The following HSF5 variants were observed in gnomAD, a reference collection of about 807,000 sequenced individuals.
The protein encoded by HSF5 is heat shock factor protein 5.
A neutral mutation model predicts 50.8 loss-of-function variants in HSF5; 5 were observed. That is an observed-to-expected ratio of 0.10 (90% CI 0.05 to 0.21). The LOEUF (loss-of-function observed/expected upper bound fraction) is 0.21. HSF5 is among the 10% of genes least tolerant of loss of function. The pLI is 1.00. For missense variants in HSF5, 564 were observed against 762.6 expected (o/e 0.74, Z 3.07); for synonymous variants, 307 against 307.4 (o/e 1.00, Z 0.02).
chr17:58,477,794 C>T (rs1180151061), intron 2 of HSF5, among the ~76,000 whole-genome samples: 1 of 151,866 alleles, frequency 6.6e-6, no homozygotes, highest in Admixed American at 6.6e-5. Context: ...ATTTCTTCTA[C>T]TTTAAGTAAA....
chr17:58,487,761 G>A lies in HSF5; in HGVS notation c.514C>T (p.Pro172Ser). Residue 172 changes from proline to serine, a missense_variant, in exon 1 of 6, where the codon CCG becomes TCG. Pro to Ser is a moderately conservative substitution (Grantham distance 74). This residue lies in a region of HSF5 where 441 missense variants were observed against 533.6 expected (regional missense o/e 0.83). Coordinates refer to ENST00000323777, the MANE Select transcript of HSF5 (RefSeq NM_001080439.3). ...GGCCGGGGCCCCGCGGGCGGCGGCG[G>A]CTGCTGGTGCTGCAGTGGCGCGGTG... is the stretch of plus-strand genomic sequence containing the variant. Reference protein sequence around the residue: ...AATAPLQHQQPPPPAGPRPEP... With the variant: ...AATAPLQHQQSPPPAGPRPEP... 2.1e-6 allele frequency: 3 copies of A among 1,397,482 alleles called. No homozygotes were observed. The highest frequency in any genetic ancestry group is 3.2e-5 in the South Asian group (2 of 61,540). The allele number at this position is 1,397,482 out of a possible 1,614,324, so 86.6% of individuals were successfully genotyped here.
chr17:58,483,654 C>T (rs1975130151), intron 1 of HSF5, among the ~76,000 whole-genome samples: 1 of 152,192 alleles, frequency 6.6e-6, no homozygotes, highest in Non-Finnish European at 1.5e-5. Flanking sequence ...AAAGATTATC[C>T]ACTTCTCAGA....
intron 5 of HSF5, among the ~76,000 whole-genome samples, chr17:58,435,208 G>T (rs533087931): frequency 1.4e-3 from 218 of 152,272 alleles, no homozygotes; most frequent in Non-Finnish European, 8.8e-4. Flanking sequence ...ATATTGACTA[G>T]AAAATATTAT....
chr17:58,436,339 A>T (rs998965539), intron 5 of HSF5, among the ~76,000 whole-genome samples: 5 of 148,196 alleles, frequency 3.4e-5, no homozygotes, highest in Non-Finnish European at 4.6e-5. Flanking sequence ...CACTTTAATT[A>T]AAAAACTTTT....
chr17:58,429,157 A>C (rs768728903), intron 5 of HSF5, among the ~76,000 whole-genome samples: 1 of 152,234 alleles, frequency 6.6e-6, no homozygotes, highest in Non-Finnish European at 1.5e-5. Flanking sequence ...TCACACACAT[A>C]TTGCATTATT....
At chr17:58,463,676 G>C (rs999223593) in intron 3 of HSF5, among the ~76,000 whole-genome samples, 4 of 152,294 alleles carry the variant, frequency 2.6e-5, no homozygotes, top group Admixed American at 2.0e-4. Context: ...ATCATATACT[G>C]TTTCAGGAAT....
chr17:58,425,575 CAAAA>C (rs66502039), intron 5 of HSF5, among the ~76,000 whole-genome samples: 41 of 32,986 alleles, frequency 1.2e-3, no homozygotes, highest in African/African-American at 4.4e-3. Flanking sequence ...ACCTCTATCT[CAAAA>C]AAAAAAAAAA....
chr17:58,443,371 C>A (rs1022580524), intron 5 of HSF5, among the ~76,000 whole-genome samples: 2 of 152,018 alleles, frequency 1.3e-5, no homozygotes, highest in Non-Finnish European at 2.9e-5. Flanking sequence ...AAGTCCCACC[C>A]CTGTCTTTCA....
intron 4 of HSF5, 139 bp from the exon 5 acceptor site, chr17:58,459,084 TAC>T: frequency 1.4e-6 from 1 of 704,512 alleles, no homozygotes; most frequent in Non-Finnish European, 2.4e-6. Flanking sequence ...TTATTATTGA[TAC>T]TATACCTTTC....
At chr17:58,448,663 T>G (rs780709933) in intron 5 of HSF5, among the ~76,000 whole-genome samples, 8 of 152,184 alleles carry the variant, frequency 5.3e-5, no homozygotes, top group Non-Finnish European at 1.0e-4. Flanking sequence ...GAAGGAGAGA[T>G]AAAGATTTTC....
intron 2 of HSF5, among the ~76,000 whole-genome samples, chr17:58,474,032 CTG>C (rs1340796336): frequency 6.6e-6 from 1 of 152,244 alleles, no homozygotes; most frequent in Non-Finnish European, 1.5e-5. Flanking sequence ...TTAGTAGAGA[CTG>C]TGTTTCACCA....
chr17:58,462,637 C>T, intron 4 of HSF5, 145 bp downstream of exon 4: 1 of 726,042 alleles, frequency 1.4e-6, no homozygotes, highest in Non-Finnish European at 2.2e-6. Flanking sequence ...TTGTGCAGAA[C>T]CACTGGGACA....
At position 58,488,405 on chromosome 17, in the gene HSF5, G is replaced by C; in HGVS notation, c.-131C>G. On this transcript the variant is annotated 5_prime_UTR_variant, in exon 1 of 6. Coordinates refer to ENST00000323777, the MANE Select transcript of HSF5 (RefSeq NM_001080439.3). The surrounding 1 kb of genome is among the most constrained non-coding windows in gnomAD (Gnocchi z 4.1). ...CCGCCGCGTACCAGGGACCGTTGGC[G>C]CACGAGGCCCCGCGGCGCCTCCCAG... 7.8e-7 allele frequency: 1 copy of C among 1,279,578 alleles called. No individual in the cohort carries two copies. The highest frequency in any genetic ancestry group is 2.8e-5 in the South Asian group (1 of 35,546). 79.3% of individuals were successfully genotyped at this position (1,279,578 alleles called of 1,614,324 possible).
intron 5 of HSF5, among the ~76,000 whole-genome samples, chr17:58,449,746 G>A (rs1311626397): frequency 5.3e-5 from 8 of 151,528 alleles, no homozygotes; most frequent in Non-Finnish European, 7.4e-5. Flanking sequence ...ATATGCGGCC[G>A]GGCGCGGTGG....
chr17:58,476,485 G>A, intron 2 of HSF5: 1 of 1,093,244 alleles, frequency 9.1e-7, no homozygotes, highest in South Asian at 1.2e-5. Context: ...GATTTCAGTG[G>A]ACTTTGAAGA....
At chr17:58,445,181 G>A (rs1039486588) in intron 5 of HSF5, among the ~76,000 whole-genome samples, 1 of 152,170 alleles carries the variant, frequency 6.6e-6, no homozygotes, top group South Asian at 2.1e-4. Flanking sequence ...TAGTATAGCA[G>A]CTATGAAAAA....
intron 3 of HSF5, among the ~76,000 whole-genome samples, chr17:58,464,622 T>C (rs1974836797): frequency 6.6e-6 from 1 of 152,184 alleles, no homozygotes. Flanking sequence ...ACACGTATTG[T>C]CTTTTTAAAA....
intron 2 of HSF5, chr17:58,476,796 C>T: frequency 6.3e-7 from 1 of 1,592,302 alleles, no homozygotes; most frequent in Non-Finnish European, 8.6e-7. Context: ...TTCAAAATCT[C>T]CTCACTGGCT....
chr17:58,461,647 G>A (rs1487122307), intron 4 of HSF5, among the ~76,000 whole-genome samples: 4 of 152,312 alleles, frequency 2.6e-5, no homozygotes, highest in South Asian at 4.1e-4. Flanking sequence ...CAAGGCAGGT[G>A]GATCACCTGA....
Sources: allele counts gnomAD v4.1 joint callset (sites outside exome capture counted in the v4.1 genomes callset), GRCh38; gene constraint gnomAD v4.1.1; regional missense constraint gnomAD v4.1.1; non-coding constraint Gnocchi (gnomAD v3.1); transcripts MANE v1.5; gene names NCBI Gene and HGNC (gene_info 2026-07-23, HGNC 2026-07-21).